The following MRPL15 variants were observed in gnomAD, a reference collection of about 807,000 sequenced individuals.
MRPL15 encodes mitochondrial ribosomal protein L15.
MRPL15 carries 24 observed loss-of-function variants against 28.0 expected under a neutral mutation model. The ratio of observed to expected loss-of-function variants is 0.86; its 90% confidence interval spans 0.62 to 1.21. The LOEUF (loss-of-function observed/expected upper bound fraction) is 1.21. MRPL15 is among the 50% of genes most tolerant of loss of function. MRPL15 has a pLI of 0.00. For synonymous variants in MRPL15, 124 were observed against 137.0 expected (o/e 0.90, Z 0.66); for missense variants, 343 against 372.4 (o/e 0.92, Z 0.65).
intron 3 of MRPL15, among the ~76,000 whole-genome samples, chr8:54,137,700 G>A (rs368546816): frequency 3.0e-4 from 45 of 152,230 alleles, no homozygotes; most frequent in African/African-American, 9.9e-4. Context: ...CTGACCTTAA[G>A]TGATCTGCTC....
chr8:54,145,700 T>C (rs1218869654), intron 4 of MRPL15, among the ~76,000 whole-genome samples: 1 of 152,198 alleles, frequency 6.6e-6, no homozygotes, highest in East Asian at 1.9e-4. Context: ...GGTCTTGAAC[T>C]CCTGCGCTCA....
intron 3 of MRPL15, among the ~76,000 whole-genome samples, chr8:54,140,928 T>G (rs1261694262): frequency 8.0e-6 from 1 of 125,022 alleles, no homozygotes; most frequent in Non-Finnish European, 1.9e-5. Context: ...AAATTGGAGG[T>G]TTTTTTTTTT....
In MRPL15 at chr8:54,142,664, G is replaced by C. The variant is rs534718652; in HGVS notation, c.431G>C (p.Gly144Ala). ...RDYGVQLVEE[G>A]ADTFTAKVNI... is the part of the protein sequence containing the mutation. ...ACAGACTGTTTTGACATATTTCAGG[G>C]TGCTGACACCTTTACGGCAAAAGTT... Residue 144 changes from glycine (G) to alanine (A), a missense_variant and splice_region_variant, in exon 4 of 5, where the codon GGT becomes GCT. Transcript: ENST00000260102. 9.3e-6 allele frequency: 15 copies of C among 1,612,810 alleles called. No individual in the cohort carries two copies. The African/African-American group carries it at 1.2e-4, about 13-fold the overall frequency.
chr8:54,142,585 G>A (rs1395109611), intron 3 of MRPL15, 78 bp from the exon 4 acceptor site: 6 of 1,534,168 alleles, frequency 3.9e-6, no homozygotes, highest in South Asian at 1.3e-5. Context: ...GAAAAACACT[G>A]TCTAAAAAGG....
intron 3 of MRPL15, among the ~76,000 whole-genome samples, chr8:54,139,499 A>G (rs532187552): frequency 1.3e-5 from 2 of 152,324 alleles, no homozygotes; most frequent in African/African-American, 4.8e-5. Context: ...TCAGTATTCT[A>G]CCCTGAGTGT....
chr8:54,137,323 T>C lies in MRPL15; in HGVS notation c.319T>C (p.Leu107=). 6.2e-7 allele frequency: 1 copy of C among 1,614,080 alleles called. No individual in the cohort carries two copies. Among genetic ancestry groups the C allele is most frequent in the Non-Finnish European group, 8.5e-7 (1 of 1,180,000 alleles). The part of the protein sequence containing the change: ...SLNRLQYLID[L]GRVDPSQPID... ...CAATAGACTGCAGTATCTTATTGAT[T>C]TGGGTCGTGTTGATCCTAGTCAACC... is the stretch of plus-strand genomic sequence containing the variant. Residue 107 remains leucine (L), a synonymous_variant, in exon 3 of 5, where the codon TTG becomes CTG. Transcript: ENST00000260102.
chr8:54,147,932 A>G lies in MRPL15; in HGVS notation c.*213A>G. ...TCTGTGTGGGTTCTGTCTCAAAGAT[A>G]CAAACTCCCTGATAGTCTATGGAAG... On this transcript the variant is annotated 3_prime_UTR_variant, in exon 5 of 5. Transcript: ENST00000260102. The G allele has an allele frequency of 2.0e-6, 1 of 496,080 alleles. No homozygotes were observed. 30.7% of individuals were successfully genotyped at this position (496,080 alleles called of 1,614,324 possible).
chr8:54,140,020 T>C (rs539889809), intron 3 of MRPL15, among the ~76,000 whole-genome samples: 15 of 152,220 alleles, frequency 9.9e-5, no homozygotes, highest in Non-Finnish European at 2.1e-4. Flanking sequence ...TGAAAATGCA[T>C]CTTAGAATTG....
At chr8:54,141,327 T>TTATGAAGTCGGTATTTCCATC (rs1220601887) in intron 3 of MRPL15, among the ~76,000 whole-genome samples, 1 of 152,236 alleles carries the variant, frequency 6.6e-6, no homozygotes, top group African/African-American at 2.4e-5. Flanking sequence ...GTATTTCCAT[T>TTATGAAGTCGGTATTTCCATC]TATGAAGTCG....
At chr8:54,144,644 G>A (rs898901532) in intron 4 of MRPL15, among the ~76,000 whole-genome samples, 4 of 151,916 alleles carry the variant, frequency 2.6e-5, no homozygotes, top group African/African-American at 4.8e-5. Context: ...GGTGGCAGGC[G>A]CATGTAATCC....
intron 4 of MRPL15, among the ~76,000 whole-genome samples, chr8:54,146,819 T>C (rs1000272980): frequency 6.6e-6 from 1 of 152,224 alleles, no homozygotes; most frequent in Non-Finnish European, 1.5e-5. Flanking sequence ...TTTCAGAACA[T>C]GTGTCTCGGG....
chr8:54,142,756 A>T lies in MRPL15; in HGVS notation c.523A>T (p.Thr175Ser). The T allele has an allele frequency of 1.9e-6, 3 of 1,614,174 alleles. No individual in the cohort carries two copies. Among genetic ancestry groups the T allele is most frequent in the Non-Finnish European group, 2.5e-6 (3 of 1,180,034 alleles). The change falls in exon 4 of 5, where the codon ACT becomes TCT. Residue 175 changes from threonine to serine, a missense_variant. Physicochemically the swap from Thr to Ser is moderately conservative, Grantham distance 58 (BLOSUM62 1). Coordinates refer to ENST00000260102, the MANE Select transcript of MRPL15 (RefSeq NM_014175.4). ...CATTGAAAAAAATGGTGGTGTTGTT[A>T]CTACAGCCTTCTATGATCCAAGAAG... ...AAIEKNGGVV[T>S]TAFYDPRSLD... is the part of the protein sequence containing the mutation.
intron 3 of MRPL15, among the ~76,000 whole-genome samples, chr8:54,140,101 C>A (rs955077257): frequency 6.6e-6 from 1 of 152,156 alleles, no homozygotes; most frequent in Admixed American, 6.5e-5. Flanking sequence ...TTTCTTTCAG[C>A]TTCATGAAAG....
intron 4 of MRPL15, among the ~76,000 whole-genome samples, chr8:54,144,503 G>C (rs1178835348): frequency 6.6e-6 from 1 of 152,160 alleles, no homozygotes; most frequent in African/African-American, 2.4e-5. Flanking sequence ...GGGCGCAGTG[G>C]CTCATTCCTG....
At position 54,148,120 on chromosome 8, in the gene MRPL15, C is replaced by T. The variant is rs1037128868; in HGVS notation, c.*401C>T. ...AGAGCAGATGGAATGAGTTGGTGAC[C>T]CCTCTTAATCTGTAGCCTCAGGGAA... On this transcript the variant is annotated 3_prime_UTR_variant, in exon 5 of 5. Coordinates refer to ENST00000260102, the MANE Select transcript of MRPL15 (RefSeq NM_014175.4). 6.6e-6 allele frequency among the ~76,000 whole-genome samples: 1 copy of T among 152,114 alleles called. No individual in the cohort carries two copies. The highest frequency in any genetic ancestry group is 6.6e-5 in the Admixed American group (1 of 15,256).
At chr8:54,135,650 G>A (rs1250952508) in intron 1 of MRPL15, among the ~76,000 whole-genome samples, 1 of 142,280 alleles carries the variant, frequency 7.0e-6, no homozygotes, top group African/African-American at 2.6e-5. Context: ...TCAGCCTCCC[G>A]ATTAGCTGGG....
chr8:54,147,242 AT>A (rs1811058578), intron 4 of MRPL15, 139 bp from the exon 5 acceptor site: 3 of 670,364 alleles, frequency 4.5e-6, no homozygotes, highest in African/African-American at 1.9e-5. Flanking sequence ...CAAAAAAAAA[AT>A]AATAAAAATT....
rs1168133999 is a variant in MRPL15, at chr8:54,138,674, C to T, written c.429+1241C>T. 2.0e-5 allele frequency among the ~76,000 whole-genome samples: 3 copies of T among 152,026 alleles called. No homozygotes were observed. The East Asian group carries it at 5.8e-4, about 29-fold the overall frequency. ...AGAGCACTTGCCCTGCTTCAGGAGT[C>T]ACAGTGTTTCCTTTACTCTGCCCAA... On this transcript the variant is annotated intron_variant, in intron 3 of 4. Coordinates refer to ENST00000260102, the MANE Select transcript of MRPL15 (RefSeq NM_014175.4).
At position 54,147,959 on chromosome 8, in the gene MRPL15, A is replaced by C; in HGVS notation, c.*240A>C. The C allele has an allele frequency of 9.4e-6, 4 of 424,042 alleles. No homozygotes were observed. The highest frequency in any genetic ancestry group is 1.7e-5 in the Non-Finnish European group (4 of 239,000). The allele number at this position is 424,042 out of a possible 1,614,324, so 26.3% of individuals were successfully genotyped here. ...AAACTCCCTGATAGTCTATGGAAGGAAAATGACAACTATTTTAGAATATTT... is the reference window on the plus strand; with the variant it reads ...AAACTCCCTGATAGTCTATGGAAGGCAAATGACAACTATTTTAGAATATTT... On this transcript the variant is annotated 3_prime_UTR_variant, in exon 5 of 5. Transcript: ENST00000260102.
Sources: gnomAD v4.1 joint callset for allele counts (sites outside exome capture counted in the v4.1 genomes callset) on GRCh38, gnomAD v4.1.1 for gene constraint, MANE v1.5 for transcripts, NCBI Gene and HGNC (gene_info 2026-07-23, HGNC 2026-07-21) for gene names.